Variants in TSPAN9 observed in about 807,000 individuals in gnomAD.
TSPAN9 encodes tetraspanin 9.
In TSPAN9, 16 loss-of-function variants were observed where a neutral mutation model predicts 31.0. The observed-to-expected ratio is 0.52, with a 90% CI of 0.35 to 0.78. The LOEUF is 0.78. Ranked by LOEUF, TSPAN9 falls within the 30% of genes least tolerant of loss-of-function variation. The pLI, the probability that TSPAN9 is intolerant of heterozygous loss-of-function variation, is 0.01. For synonymous variants in TSPAN9, 145 were observed against 121.6 expected, an observed-to-expected ratio of 1.19 and a Z score of -1.27; for missense variants, 272 against 312.5, an observed-to-expected ratio of 0.87 and a Z score of 0.98.
At chr12:3,204,364 C>T (rs2098373760) in intron 3 of TSPAN9, among the ~76,000 whole-genome samples, 1 of 152,304 alleles carries the variant, frequency 6.6e-6, no homozygotes, top group East Asian at 1.9e-4. Context: ...ATAGGTTCCT[C>T]ACCACTGGGC....
chr12:3,098,143 T>G (rs1392410639), intron 2 of TSPAN9, among the ~76,000 whole-genome samples: 1 of 152,186 alleles, frequency 6.6e-6, no homozygotes, highest in South Asian at 2.1e-4. Flanking sequence ...CCAGCTGGCC[T>G]GGGGCAAGTC....
chr12:3,257,647 C>T (rs922116537), intron 3 of TSPAN9, among the ~76,000 whole-genome samples: 1 of 152,046 alleles, frequency 6.6e-6, no homozygotes, highest in Non-Finnish European at 1.5e-5. Flanking sequence ...GCCCCCTCTT[C>T]GCTGGCATCT....
intron 3 of TSPAN9, among the ~76,000 whole-genome samples, chr12:3,244,590 G>A (rs561144541): frequency 4.6e-5 from 7 of 152,256 alleles, no homozygotes; most frequent in South Asian, 4.2e-4. Context: ...GCCACCTCAC[G>A]CCCCACCGGA....
intron 2 of TSPAN9, among the ~76,000 whole-genome samples, chr12:3,101,089 CT>C (rs1309610382): frequency 6.6e-6 from 1 of 152,112 alleles, no homozygotes; most frequent in Non-Finnish European, 1.5e-5. Flanking sequence ...AGGAGGGTGA[CT>C]GGGAGAACGG....
At chr12:3,122,494 T>C (rs1190340432) in intron 2 of TSPAN9, among the ~76,000 whole-genome samples, 1 of 151,998 alleles carries the variant, frequency 6.6e-6, no homozygotes, top group Non-Finnish European at 1.5e-5. Flanking sequence ...GGTCTCAAAC[T>C]GGTCTCCTTC....
intron 2 of TSPAN9, among the ~76,000 whole-genome samples, chr12:3,097,329 C>T (rs1197862477): frequency 6.6e-6 from 1 of 152,188 alleles, no homozygotes; most frequent in African/African-American, 2.4e-5. Context: ...TCCATGAGGA[C>T]TTGAGAGAGG....
chr12:3,144,706 G>A (rs1224129032), intron 2 of TSPAN9, among the ~76,000 whole-genome samples: 1 of 152,200 alleles, frequency 6.6e-6, no homozygotes, highest in African/African-American at 2.4e-5. Context: ...TGCAGGTGCG[G>A]GCAGCTTCTG....
chr12:3,198,824 A>C, intron 2 of TSPAN9, among the ~76,000 whole-genome samples: 1 of 64,404 alleles, frequency 1.6e-5, no homozygotes, highest in South Asian at 5.2e-4. Context: ...ACAGCTCACC[A>C]CCAGCACAGG....
intron 3 of TSPAN9, among the ~76,000 whole-genome samples, chr12:3,262,547 C>A (rs1376830816): frequency 6.6e-6 from 1 of 151,904 alleles, no homozygotes; most frequent in African/African-American, 2.4e-5. Context: ...ATAGGTCATC[C>A]CTCCACCCTG....
At chr12:3,181,442 C>T (rs753598337) in intron 2 of TSPAN9, among the ~76,000 whole-genome samples, 23 of 152,164 alleles carry the variant, frequency 1.5e-4, no homozygotes, top group Non-Finnish European at 1.8e-4. Context: ...CCTACCACCT[C>T]ATCCGCATCT....
intron 3 of TSPAN9, among the ~76,000 whole-genome samples, chr12:3,276,206 C>T (rs1437632612): frequency 1.3e-5 from 2 of 152,230 alleles, no homozygotes; most frequent in African/African-American, 4.8e-5. Context: ...AGCAGCCTCC[C>T]AGTTGCTCTC....
Position 3,082,459 on chromosome 12 carries a change from A to T in TSPAN9, c.-84-1194A>T, listed in dbSNP as rs1030344131. On this transcript the variant is annotated intron_variant, in intron 1 of 8. Coordinates refer to ENST00000011898, the MANE Select transcript of TSPAN9 (RefSeq NM_006675.5). ...CCATTCATTCTTCCAAGAGAACTTGAGTGCCCACCGTGTGCCAGCATTAAA... is the reference window on the plus strand; with the variant it reads ...CCATTCATTCTTCCAAGAGAACTTGTGTGCCCACCGTGTGCCAGCATTAAA... Among the ~76,000 whole-genome samples, 65 of 152,188 alleles carry T rather than the reference A, an allele frequency of 4.3e-4. 2 individuals carry two copies. Among genetic ancestry groups the T allele is most frequent in the Non-Finnish European group, 5.9e-5 (4 of 68,024 alleles).
chr12:3,140,346 G>A (rs2098334213), intron 2 of TSPAN9, among the ~76,000 whole-genome samples: 1 of 152,122 alleles, frequency 6.6e-6, no homozygotes, highest in Admixed American at 6.5e-5. Flanking sequence ...TTCTCTCATC[G>A]AACAAGATAC....
intron 3 of TSPAN9, among the ~76,000 whole-genome samples, chr12:3,208,737 AC>A (rs2098376644): frequency 6.6e-6 from 1 of 152,200 alleles, no homozygotes; most frequent in African/African-American, 2.4e-5. Context: ...ACGCCTGCCC[AC>A]TTAGAAGCCT....
At chr12:3,091,127 C>T (rs901984563) in intron 2 of TSPAN9, among the ~76,000 whole-genome samples, 4 of 152,220 alleles carry the variant, frequency 2.6e-5, no homozygotes, top group Non-Finnish European at 5.9e-5. Context: ...AAAAATGTGT[C>T]AGTGAGCGAC....
intron 3 of TSPAN9, among the ~76,000 whole-genome samples, chr12:3,213,895 G>T (rs2098380071): frequency 6.6e-6 from 1 of 152,236 alleles, no homozygotes; most frequent in African/African-American, 2.4e-5. Context: ...TGGGGTGCCT[G>T]GCCATGCATC....
At position 3,187,843 on chromosome 12, in the gene TSPAN9, C is replaced by T. The variant is rs1003456095; in HGVS notation, c.-17-13334C>T. On this transcript the variant is annotated intron_variant, in intron 2 of 8. Transcript: ENST00000011898. This position sits in a 1 kb window ranked among gnomAD's most constrained non-coding sequence, Gnocchi z 5.2. Reference sequence around the variant, plus strand: ...GCCAGACTCTCCCTGGGCAGGTCCTCGGGGCACTCCCAGGCTGAACCTCCA... The same window carrying T: ...GCCAGACTCTCCCTGGGCAGGTCCTTGGGGCACTCCCAGGCTGAACCTCCA... Among the ~76,000 whole-genome samples, 5 of 152,210 alleles carry T rather than the reference C, an allele frequency of 3.3e-5. No individual in the cohort carries two copies. Among genetic ancestry groups the T allele is most frequent in the East Asian group, 3.9e-4 (2 of 5,170 alleles).
intron 3 of TSPAN9, among the ~76,000 whole-genome samples, chr12:3,240,336 G>A (rs977150075): frequency 6.6e-6 from 1 of 152,064 alleles, no homozygotes; most frequent in Non-Finnish European, 1.5e-5. Flanking sequence ...CCAGGTGGGG[G>A]AGCAGCCCGG....
intron 2 of TSPAN9, among the ~76,000 whole-genome samples, chr12:3,157,016 A>T (rs1354940401): frequency 6.6e-6 from 1 of 151,984 alleles, no homozygotes; most frequent in Non-Finnish European, 1.5e-5. Flanking sequence ...TTGAGTACAA[A>T]TTCTCCCCCG....
Sources: gnomAD v4.1 joint callset for allele counts (sites outside exome capture counted in the v4.1 genomes callset) on GRCh38, gnomAD v4.1.1 for gene constraint, Gnocchi (gnomAD v3.1) non-coding constraint, MANE v1.5 for transcripts, NCBI Gene and HGNC (gene_info 2026-07-23, HGNC 2026-07-21) for gene names.